Variants in LIFR observed in about 807,000 individuals in gnomAD.
The protein encoded by LIFR is leukemia inhibitory factor receptor.
A neutral mutation model predicts 122.2 loss-of-function variants in LIFR; 84 were observed. That is an observed-to-expected ratio of 0.69 (90% confidence interval 0.58 to 0.82). The LOEUF is 0.82. Among genes scored for constraint, LIFR ranks in the 40% least tolerant of loss-of-function variants. The pLI is 0.00. For missense variants in LIFR, 1,294 were observed against 1,311.6 expected (o/e 0.99, Z 0.21); for synonymous variants, 422 against 434.7 (o/e 0.97, Z 0.36).
At chr5:38,502,857 AT>A in intron 10 of LIFR, 58 bp from the exon 11 acceptor site, 4 of 1,005,224 alleles carry the variant, frequency 4.0e-6, no homozygotes, top group Non-Finnish European at 5.7e-6. Context: ...GAATACATAT[AT>A]ATATACATAC....
intron 1 of LIFR, among the ~76,000 whole-genome samples, chr5:38,570,643 C>G (rs868607646): frequency 7.2e-5 from 11 of 152,112 alleles, no homozygotes; most frequent in South Asian, 6.2e-4. Context: ...TAGAGTTCAC[C>G]TATCGCAGGA....
At chr5:38,605,286 G>C (rs1750302985) in intron 2 of LIFR, among the ~76,000 whole-genome samples, 1 of 152,108 alleles carries the variant, frequency 6.6e-6, no homozygotes, top group South Asian at 2.1e-4. Flanking sequence ...ATTTTGCATA[G>C]AGGCAGGCAC....
In LIFR at chr5:38,530,629, A is replaced by G. The variant is rs1173031222; in HGVS notation, c.19T>C (p.Cys7Arg). The G allele has an allele frequency of 1.2e-6, 2 of 1,613,824 alleles. No individual in the cohort carries two copies. Among genetic ancestry groups the G allele is most frequent in the Non-Finnish European group, 1.7e-6 (2 of 1,179,728 alleles). MMDIYV[C>R]LKRPSWMVDN... ...ACCATCCAGGATGGTCGTTTCAAAC[A>G]TACGTAAATATCCATCATCTGTGCA... The change falls in exon 2 of 20, where the codon TGT (cysteine) becomes CGT (arginine). Residue 7 changes from cysteine to arginine, a missense_variant. By Grantham distance (180) the Cys-to-Arg change is radical. Coordinates refer to ENST00000453190, the MANE Select transcript of LIFR (RefSeq NM_001127671.2).
intron 1 of LIFR, among the ~76,000 whole-genome samples, chr5:38,585,811 G>C (rs1157627873): frequency 1.3e-5 from 2 of 151,662 alleles, no homozygotes; most frequent in African/African-American, 4.8e-5. Flanking sequence ...AAAAATATAA[G>C]TCAATGGCAA....
intron 3 of LIFR, 80 bp downstream of exon 3, chr5:38,528,646 C>T: frequency 1.2e-6 from 1 of 868,636 alleles, no homozygotes; most frequent in South Asian, 1.4e-5. Flanking sequence ...CCTTTAGTTT[C>T]ACAAGCAATA....
At chr5:38,521,188 C>T (rs909945172) in intron 5 of LIFR, among the ~76,000 whole-genome samples, 1 of 152,066 alleles carries the variant, frequency 6.6e-6, no homozygotes, top group Non-Finnish European at 1.5e-5. Flanking sequence ...TTTTCTGTAG[C>T]TATTGTAAAT....
chr5:38,515,657 G>T (rs1446147988), intron 5 of LIFR, among the ~76,000 whole-genome samples: 2 of 150,916 alleles, frequency 1.3e-5, no homozygotes, highest in Admixed American at 6.6e-5. Context: ...GGAAAGGGAG[G>T]GGGTTGCTAT....
intron 1 of LIFR, among the ~76,000 whole-genome samples, chr5:38,546,411 T>C (rs995910961): frequency 2.0e-5 from 3 of 151,698 alleles, no homozygotes; most frequent in African/African-American, 7.3e-5. Flanking sequence ...ACCATATACA[T>C]AAAAAAAACA....
intron 1 of LIFR, among the ~76,000 whole-genome samples, chr5:38,540,207 C>T (rs1747514784): frequency 6.6e-6 from 1 of 151,984 alleles, no homozygotes; most frequent in East Asian, 1.9e-4. Context: ...ACAACTAAGA[C>T]CCAGCACCTG....
At chr5:38,498,154 G>T (rs1744985724) in intron 12 of LIFR, among the ~76,000 whole-genome samples, 1 of 152,174 alleles carries the variant, frequency 6.6e-6, no homozygotes, top group Non-Finnish European at 1.5e-5. Context: ...TCTCTGTGAT[G>T]CTCCAAATGG....
intron 1 of LIFR, among the ~76,000 whole-genome samples, chr5:38,532,904 A>C (rs1215310563): frequency 6.6e-6 from 1 of 152,172 alleles, no homozygotes; most frequent in African/African-American, 2.4e-5. Flanking sequence ...GAGGAGCACA[A>C]ATTTTTATAC....
intron 1 of LIFR, among the ~76,000 whole-genome samples, chr5:38,573,721 T>A (rs1749290370): frequency 6.6e-6 from 1 of 152,190 alleles, no homozygotes; most frequent in African/African-American, 2.4e-5. Flanking sequence ...AATACTGAAA[T>A]GTAAATTTAC....
chr5:38,578,208 T>TTTTC (rs1554030861), intron 1 of LIFR, among the ~76,000 whole-genome samples: 1 of 6,120 alleles, frequency 1.6e-4, no homozygotes, highest in African/African-American at 1.1e-3. Flanking sequence ...TTTCTTTTTC[T>TTTTC]TTTTTTTTTT....
intron 1 of LIFR, among the ~76,000 whole-genome samples, chr5:38,540,648 C>T (rs568675680): frequency 2.0e-5 from 3 of 152,134 alleles, no homozygotes; most frequent in Non-Finnish European, 4.4e-5. Context: ...AGAGGACGAG[C>T]GGCCAGTACA....
At chr5:38,502,573 AAAG>A in intron 11 of LIFR, 61 bp downstream of exon 11, 1 of 1,395,464 alleles carries the variant, frequency 7.2e-7, no homozygotes, top group Non-Finnish European at 1.0e-6. Context: ...TCTTCTTTTT[AAAG>A]AAGTTGTAAA....
Position 38,553,672 on chromosome 5 carries a change from ATT to A in LIFR, c.-20+2660_-20+2661del, listed in dbSNP as rs1491130456. Among the ~76,000 whole-genome samples, 401 of 101,264 alleles carry A rather than the reference ATT, an allele frequency of 4.0e-3. 6 individuals carry two copies. The highest frequency in any genetic ancestry group is 0.013 in the African/African-American group (359 of 27,588). 66.4% of individuals were successfully genotyped at this position (101,264 alleles called of 152,430 possible). On this transcript the variant is annotated intron_variant, in intron 1 of 19. Transcript: ENST00000453190. ...TATATATATATATATATATATATAT[ATT>A]ATATGTATGTATATATTTTAAAAGA...
chr5:38,566,466 G>A (rs1032698869), intron 1 of LIFR, among the ~76,000 whole-genome samples: 1 of 152,072 alleles, frequency 6.6e-6, no homozygotes, highest in African/African-American at 2.4e-5. Flanking sequence ...CATATAAATT[G>A]TTAGTTCCCT....
rs1386842079 is a variant in LIFR, at chr5:38,474,887, A to G, written c.*6708T>C. The G allele has an allele frequency of 6.4e-6, 1 of 155,258 alleles. No individual in the cohort carries two copies. Among genetic ancestry groups the G allele is most frequent in the African/African-American group, 2.4e-5 (1 of 41,584 alleles). 9.6% of individuals were successfully genotyped at this position (155,258 alleles called of 1,614,324 possible). ...TTCTTACGGGATAGAACAAAAAAAT[A>G]CAACAACAAAGCAGAGCCACTTCTC... On this transcript the variant is annotated 3_prime_UTR_variant, in exon 20 of 20. Coordinates refer to ENST00000453190, the MANE Select transcript of LIFR (RefSeq NM_001127671.2).
chr5:38,518,979 A>G (rs1746254260), intron 5 of LIFR, among the ~76,000 whole-genome samples: 1 of 152,264 alleles, frequency 6.6e-6, no homozygotes, highest in African/African-American at 2.4e-5. Flanking sequence ...AAAGAAAAAT[A>G]ATTTTTAAAA....
Sources: gnomAD v4.1 joint callset for allele counts (sites outside exome capture counted in the v4.1 genomes callset) on GRCh38, gnomAD v4.1.1 for gene constraint, MANE v1.5 for transcripts, NCBI Gene and HGNC (gene_info 2026-07-23, HGNC 2026-07-21) for gene names.